Variants in LMBRD1 observed in about 807,000 individuals in gnomAD.
LMBRD1 encodes the protein LMBR1 domain containing 1.
Under a neutral mutation model 74.8 loss-of-function variants are expected in LMBRD1, and 64 were observed. The ratio of observed to expected loss-of-function variants is 0.86; its 90% CI spans 0.70 to 1.05. LMBRD1 has a LOEUF of 1.05. Ranked by LOEUF, LMBRD1 falls within the 50% of genes least tolerant of loss-of-function variation. LMBRD1 has a pLI of 0.00. For missense variants in LMBRD1, 652 were observed against 645.9 expected (o/e 1.01, Z -0.10); for synonymous variants, 204 against 216.3 (o/e 0.94, Z 0.50).
intron 5 of LMBRD1, among the ~76,000 whole-genome samples, chr6:69,744,825 A>C (rs1222357214): frequency 6.6e-6 from 1 of 151,730 alleles, no homozygotes; most frequent in Admixed American, 6.6e-5. Flanking sequence ...CTCTTGCAAT[A>C]CATCCTTCAC....
chr6:69,754,284 TAA>T (rs34305492), intron 3 of LMBRD1, among the ~76,000 whole-genome samples: 2 of 149,992 alleles, frequency 1.3e-5, no homozygotes, highest in African/African-American at 4.9e-5. Flanking sequence ...GTTAAGATGG[TAA>T]AAAAAAAATA....
intron 9 of LMBRD1, among the ~76,000 whole-genome samples, chr6:69,710,511 A>G (rs1766359997): frequency 6.6e-6 from 1 of 152,142 alleles, no homozygotes; most frequent in Non-Finnish European, 1.5e-5. Flanking sequence ...TTTAAGAAAC[A>G]TCTGAATTAC....
intron 8 of LMBRD1, among the ~76,000 whole-genome samples, chr6:69,714,011 C>A (rs1286171057): frequency 3.3e-5 from 5 of 152,000 alleles, no homozygotes; most frequent in African/African-American, 1.2e-4. Flanking sequence ...TTATGCCTAC[C>A]TTCCTCTTGA....
intron 3 of LMBRD1, among the ~76,000 whole-genome samples, chr6:69,763,361 GATA>G (rs761148780): frequency 3.3e-4 from 50 of 152,162 alleles, no homozygotes; most frequent in Admixed American, 1.4e-3. Flanking sequence ...GGGTGTATTT[GATA>G]ATTAGATTAG....
intron 14 of LMBRD1, among the ~76,000 whole-genome samples, chr6:69,685,706 C>A (rs1765749623): frequency 6.6e-6 from 1 of 152,130 alleles, no homozygotes; most frequent in Admixed American, 6.6e-5. Context: ...GAGGCTGAGG[C>A]AGGAGAATTG....
chr6:69,739,556 A>C (rs1359236230), intron 6 of LMBRD1, among the ~76,000 whole-genome samples: 1 of 151,506 alleles, frequency 6.6e-6, no homozygotes, highest in Non-Finnish European at 1.5e-5. Context: ...TATACACAAA[A>C]AAGAATCATT....
intron 3 of LMBRD1, among the ~76,000 whole-genome samples, chr6:69,754,087 T>C (rs1476818098): frequency 6.6e-6 from 1 of 150,772 alleles, no homozygotes; most frequent in African/African-American, 2.4e-5. Flanking sequence ...GTACTGAGAG[T>C]AGTCAAAAGC....
intron 14 of LMBRD1, among the ~76,000 whole-genome samples, chr6:69,683,094 C>G (rs2149835495): frequency 6.6e-6 from 1 of 152,088 alleles, no homozygotes; most frequent in East Asian, 1.9e-4. Flanking sequence ...ATCAACACAA[C>G]CGCAATGTCA....
At chr6:69,731,534 T>TTC (rs1369491404) in intron 7 of LMBRD1, among the ~76,000 whole-genome samples, 1 of 152,120 alleles carries the variant, frequency 6.6e-6, no homozygotes, top group East Asian at 1.9e-4. Context: ...TATGAGACCA[T>TTC]TCTTTTTTAC....
At chr6:69,769,497 T>C (rs1473075886) in intron 3 of LMBRD1, among the ~76,000 whole-genome samples, 1 of 152,190 alleles carries the variant, frequency 6.6e-6, no homozygotes, top group Non-Finnish European at 1.5e-5. Flanking sequence ...AAATACTGTT[T>C]CCACTATATG....
rs1408379982 is a variant in LMBRD1, at chr6:69,701,453, A to G, written c.1073T>C (p.Leu358Ser). Residue 358 changes from leucine to serine, a missense_variant, in exon 11 of 16, where the codon TTA becomes TCA. By Grantham distance (145) the Leu-to-Ser change is moderately radical. This residue lies in a region of LMBRD1 where 598 missense variants were observed against 581.8 expected (regional missense o/e 1.03). Coordinates refer to ENST00000649934, the MANE Select transcript of LMBRD1 (RefSeq NM_018368.4). Reference sequence around the variant, plus strand: ...TGATATTTTACTTACTGTTTGTAGTAAAGGCAAAAGCATATTCAGTGGATT... The same window carrying G: ...TGATATTTTACTTACTGTTTGTAGTGAAGGCAAAAGCATATTCAGTGGATT... ...LSNPLNMLLP[L>S]LQTVFPLDYI... is the part of the protein sequence containing the mutation. 4 of 1,584,982 alleles carry G rather than the reference A, an allele frequency of 2.5e-6. No individual in the cohort carries two copies. The highest frequency in any genetic ancestry group is 3.5e-6 in the Non-Finnish European group (4 of 1,155,000).
intron 9 of LMBRD1, chr6:69,706,024 G>A (rs755417174): frequency 5.8e-5 from 44 of 759,970 alleles, no homozygotes; most frequent in Non-Finnish European, 8.0e-5. Context: ...TAAACTGACC[G>A]TTCTTAAAGA....
intron 9 of LMBRD1, among the ~76,000 whole-genome samples, chr6:69,706,641 A>G (rs1462606564): frequency 6.6e-6 from 1 of 152,036 alleles, no homozygotes; most frequent in African/African-American, 2.4e-5. Context: ...TTCTTACTCT[A>G]TTTCATCCAC....
intron 3 of LMBRD1, among the ~76,000 whole-genome samples, chr6:69,763,747 G>A (rs994325664): frequency 1.3e-5 from 2 of 152,194 alleles, no homozygotes; most frequent in Admixed American, 6.5e-5. Flanking sequence ...ACCACAGTGG[G>A]TCCTGAAGGC....
intron 14 of LMBRD1, among the ~76,000 whole-genome samples, chr6:69,685,984 T>C (rs1332152766): frequency 1.3e-5 from 2 of 152,090 alleles, no homozygotes; most frequent in East Asian, 1.9e-4. Flanking sequence ...AGGGTCATTA[T>C]GGCAAACAAA....
At chr6:69,793,970 T>C (rs1338537800) in intron 1 of LMBRD1, among the ~76,000 whole-genome samples, 1 of 152,058 alleles carries the variant, frequency 6.6e-6, no homozygotes, top group Non-Finnish European at 1.5e-5. Flanking sequence ...TCCACCTGCC[T>C]CAGCCTCCCA....
At chr6:69,705,922 T>G in intron 9 of LMBRD1, 1 of 1,234,866 alleles carries the variant, frequency 8.1e-7, no homozygotes, top group Non-Finnish European at 1.2e-6. Flanking sequence ...TACAGACATT[T>G]TCAAAGTTGC....
chr6:69,708,597 T>C (rs1228539960), intron 9 of LMBRD1, among the ~76,000 whole-genome samples: 1 of 151,952 alleles, frequency 6.6e-6, no homozygotes, highest in African/African-American at 2.4e-5. Flanking sequence ...ATAAGTTATG[T>C]ATATGCTAGG....
chr6:69,783,512 C>T (rs1001358814), intron 2 of LMBRD1, among the ~76,000 whole-genome samples: 1 of 152,084 alleles, frequency 6.6e-6, no homozygotes, highest in African/African-American at 2.4e-5. Flanking sequence ...GTAGCTGGGA[C>T]CACAGGTGCA....
Sources: gnomAD v4.1 joint callset for allele counts (sites outside exome capture counted in the v4.1 genomes callset) on GRCh38, gnomAD v4.1.1 for gene constraint, gnomAD v4.1.1 regional missense constraint, MANE v1.5 for transcripts, NCBI Gene and HGNC (gene_info 2026-07-23, HGNC 2026-07-21) for gene names.